CAST: variants seen among roughly 807,000 people sequenced by gnomAD.
CAST encodes the protein calpastatin.
Under a neutral mutation model 119.6 loss-of-function variants are expected in CAST, and 76 were observed. That is an observed-to-expected ratio of 0.64 (90% CI 0.53 to 0.77). CAST has a LOEUF of 0.77. Ranked by LOEUF, CAST falls within the 30% of genes least tolerant of loss-of-function variation. CAST has a pLI of 0.00. For missense variants in CAST, 953 were observed against 946.5 expected, an observed-to-expected ratio of 1.01 and a Z score of -0.09; for synonymous variants, 319 against 331.6, an observed-to-expected ratio of 0.96 and a Z score of 0.41.
At chr5:96,379,053 ACT>A in the CAST span, among the ~76,000 whole-genome samples, 1 of 152,128 alleles carries the variant, frequency 6.6e-6, no homozygotes, top group Non-Finnish European at 1.5e-5. Context: ...AATTAGTTAT[ACT>A]CTCTCATTTT....
intron 2 of CAST, among the ~76,000 whole-genome samples, chr5:96,689,091 G>T (rs1218791747): frequency 6.6e-6 from 1 of 152,016 alleles, no homozygotes; most frequent in Non-Finnish European, 1.5e-5. Flanking sequence ...CAACTTGGAG[G>T]GCAAGAATAC....
the CAST span, among the ~76,000 whole-genome samples, chr5:96,279,251 G>C: frequency 6.6e-6 from 1 of 152,282 alleles, no homozygotes; most frequent in African/African-American, 2.4e-5. Flanking sequence ...TCGAAGGTCA[G>C]TCCAGAGACT....
chr5:96,201,925 A>T, the CAST span, among the ~76,000 whole-genome samples: 1 of 151,696 alleles, frequency 6.6e-6, no homozygotes, highest in Admixed American at 6.6e-5. Flanking sequence ...CTATCTTTTG[A>T]GATATTTGTT....
chr5:96,602,813 G>T (rs1267720698), intron 1 of CAST, among the ~76,000 whole-genome samples: 1 of 152,168 alleles, frequency 6.6e-6, no homozygotes, highest in Non-Finnish European at 1.5e-5. Flanking sequence ...TTTGTTTAAG[G>T]TGGTGAAGGA....
At chr5:96,087,805 A>C in the CAST span, among the ~76,000 whole-genome samples, 3 of 152,212 alleles carry the variant, frequency 2.0e-5, no homozygotes, top group Admixed American at 1.3e-4. Context: ...AGGCTGGGCA[A>C]CAGCAACCTC....
intron 16 of CAST, among the ~76,000 whole-genome samples, chr5:96,744,242 T>C (rs1168703814): frequency 5.3e-5 from 8 of 152,174 alleles, no homozygotes; most frequent in Non-Finnish European, 1.0e-4. Flanking sequence ...TCTGTTCTCA[T>C]GCTGCTAATA....
intron 1 of CAST, among the ~76,000 whole-genome samples, chr5:96,650,155 T>C (rs1043406233): frequency 1.3e-5 from 2 of 152,238 alleles, no homozygotes; most frequent in Admixed American, 1.3e-4. Flanking sequence ...GTGTTTCCTT[T>C]AATTTCCTGG....
chr5:96,723,495 A>G (rs1356868974), intron 4 of CAST, among the ~76,000 whole-genome samples: 1 of 152,070 alleles, frequency 6.6e-6, no homozygotes, highest in African/African-American at 2.4e-5. Flanking sequence ...TTTTTCTGAA[A>G]TTTGAGTCTT....
At chr5:96,585,761 T>G (rs1016171948) in intron 1 of CAST, among the ~76,000 whole-genome samples, 1 of 152,184 alleles carries the variant, frequency 6.6e-6, no homozygotes. Flanking sequence ...ACACATATTT[T>G]AAAACTTTTG....
At chr5:96,172,773 T>C in the CAST span, among the ~76,000 whole-genome samples, 1 of 152,232 alleles carries the variant, frequency 6.6e-6, no homozygotes, top group Non-Finnish European at 1.5e-5. Flanking sequence ...TTATAGATCC[T>C]CTAGGAGAGC....
At chr5:96,498,362 T>C in the CAST span, among the ~76,000 whole-genome samples, 1 of 152,204 alleles carries the variant, frequency 6.6e-6, no homozygotes, top group Non-Finnish European at 1.5e-5. Flanking sequence ...TTTGGTTCCA[T>C]ATGAACTTTA....
chr5:96,491,511 A>AAAAAAAAAAAC, the CAST span, among the ~76,000 whole-genome samples: 1 of 127,072 alleles, frequency 7.9e-6, no homozygotes, highest in South Asian at 2.4e-4. Context: ...AAAAAAAAAA[A>AAAAAAAAAAAC]AAAAAAAAAA....
At chr5:96,680,976 C>T (rs868037544) in intron 2 of CAST, among the ~76,000 whole-genome samples, 2 of 152,242 alleles carry the variant, frequency 1.3e-5, no homozygotes, top group East Asian at 1.9e-4. Context: ...CCTGGCTCAC[C>T]GGGATATCTA....
chr5:96,481,331 T>A, the CAST span, among the ~76,000 whole-genome samples: 2 of 152,168 alleles, frequency 1.3e-5, no homozygotes, highest in South Asian at 4.1e-4. Flanking sequence ...TTCTTTTAGA[T>A]CCTTTAAACA....
chr5:96,373,295 T>C, the CAST span, among the ~76,000 whole-genome samples: 2 of 152,202 alleles, frequency 1.3e-5, no homozygotes, highest in Non-Finnish European at 2.9e-5. Flanking sequence ...CACCAAGGGA[T>C]TGTTTATAAT....
At chr5:96,386,218 A>G in the CAST span, among the ~76,000 whole-genome samples, 1 of 152,182 alleles carries the variant, frequency 6.6e-6, no homozygotes, top group African/African-American at 2.4e-5. Context: ...TTCTTTCTGG[A>G]TGCTAGGAGA....
At chr5:96,658,098 GA>G (rs377392488), upstream of CAST, among the ~76,000 whole-genome samples, 1,429 of 146,788 alleles carry the variant, frequency 9.7e-3, 20 homozygotes, top group African/African-American at 0.033. Flanking sequence ...GAGTCCATCT[GA>G]AAAAAAAAAA....
chr5:96,535,668 G>T (rs1745797313), intron 1 of CAST, among the ~76,000 whole-genome samples: 1 of 148,544 alleles, frequency 6.7e-6, no homozygotes, highest in Admixed American at 6.8e-5. Context: ...CCGCCTCCTG[G>T]GTTAACGCCA....
At chr5:96,454,452 A>G in the CAST span, among the ~76,000 whole-genome samples, 13 of 152,212 alleles carry the variant, frequency 8.5e-5, no homozygotes, top group Admixed American at 5.2e-4. Context: ...TCCCAGCCCT[A>G]TGATTTTATT....
Sources: allele counts gnomAD v4.1 joint callset (sites outside exome capture counted in the v4.1 genomes callset), GRCh38; gene constraint gnomAD v4.1.1; transcripts MANE v1.5; gene names NCBI Gene and HGNC (gene_info 2026-07-23, HGNC 2026-07-21).